MCM4: variants seen among roughly 807,000 people sequenced by gnomAD.
The protein encoded by MCM4 is minichromosome maintenance complex component 4, also known as DNA replication licensing factor MCM4.
In MCM4, 60 loss-of-function variants were observed where a neutral mutation model predicts 88.7. The observed-to-expected ratio is 0.68, with a 90% CI of 0.55 to 0.84. The LOEUF is 0.84. Among genes scored for constraint, MCM4 ranks in the 40% least tolerant of loss-of-function variants. The probability of loss-of-function intolerance (pLI) is 0.00; values close to 1 mark genes in which losing one functional copy is unlikely to be tolerated. For synonymous variants in MCM4, 465 were observed against 410.5 expected (o/e 1.13, Z -1.61); for missense variants, 1,149 against 1,105.5 (o/e 1.04, Z -0.56).
rs1168235423 is a variant in MCM4, at chr8:47,966,272, C to T, written c.918C>T (p.Cys306=). The T allele has an allele frequency of 1.9e-6, 3 of 1,614,116 alleles. No individual in the cohort carries two copies. In the Admixed American group the frequency reaches 5.0e-5, roughly 27 times the overall value. Residue 306 remains cysteine (C), a synonymous_variant, in exon 9 of 17, where the codon TGC becomes TGT. Transcript: ENST00000649973. ...IPEMQEAFFQ[C]QVCAHTTRVE... ...AGATGCAGGAGGCCTTCTTCCAGTGCCAAGTGTGTGCCCACACGACCCGGG... is the reference window on the plus strand; with the variant it reads ...AGATGCAGGAGGCCTTCTTCCAGTGTCAAGTGTGTGCCCACACGACCCGGG...
At chr8:47,976,561 A>T (rs2091002204) in intron 16 of MCM4, 125 bp from the exon 17 acceptor site, 5 of 621,194 alleles carry the variant, frequency 8.0e-6, no homozygotes, top group Non-Finnish European at 1.4e-5. Flanking sequence ...AGCATAAGGC[A>T]TGTGTACAGC....
intron 10 of MCM4, among the ~76,000 whole-genome samples, chr8:47,968,661 A>AAG (rs1158039830): frequency 1.6e-4 from 25 of 152,202 alleles, no homozygotes. Flanking sequence ...TGTGTATTCT[A>AAG]AGAATGTGTG....
In MCM4 at chr8:47,970,658, C is replaced by A. The variant is rs754651371; in HGVS notation, c.1582C>A (p.Pro528Thr). 1 of 1,614,138 alleles carries A rather than the reference C, an allele frequency of 6.2e-7. No individual in the cohort carries two copies. The highest frequency in any genetic ancestry group is 1.7e-5 in the Admixed American group (1 of 60,008). The change falls in exon 12 of 17, where the codon CCC (proline) becomes ACC (threonine). Residue 528 changes from proline to threonine, a missense_variant. This residue lies in a region of MCM4 where 906 missense variants were observed against 843.0 expected (regional missense o/e 1.07). Coordinates refer to ENST00000649973, the MANE Select transcript of MCM4 (RefSeq NM_182746.3). ...QLLQYVYNLV[P>T]RGQYTSGKGS... ...GCTGCAGTACGTGTACAACCTCGTC[C>A]CCAGGGGCCAGTACACGTCTGGGAA...
At chr8:47,967,544 C>G in intron 10 of MCM4, 59 bp downstream of exon 10, 1 of 1,605,328 alleles carries the variant, frequency 6.2e-7, no homozygotes, top group Non-Finnish European at 8.5e-7. Flanking sequence ...CAATGCTGTG[C>G]TTTAGTGAGT....
intron 2 of MCM4, 37 bp from the exon 3 acceptor site, chr8:47,961,479 A>G: frequency 6.2e-7 from 1 of 1,612,954 alleles, no homozygotes; most frequent in African/African-American, 1.3e-5. Flanking sequence ...CGGCCCTGAA[A>G]GTTAATGGCT....
At chr8:47,974,178 T>C (rs1228440159) in intron 14 of MCM4, 1 of 153,078 alleles carries the variant, frequency 6.5e-6, no homozygotes, top group East Asian at 1.9e-4. Context: ...ACTGAGCTCC[T>C]AAAAATTCTA....
intron 10 of MCM4, 26 bp from the exon 11 acceptor site, chr8:47,969,772 A>G: frequency 6.2e-7 from 1 of 1,611,940 alleles, no homozygotes; most frequent in Non-Finnish European, 8.5e-7. Flanking sequence ...GGAAGGTAAA[A>G]GTGCATCTCC....
intron 6 of MCM4, 31 bp from the exon 7 acceptor site, chr8:47,962,914 A>G (rs1393158380): frequency 1.9e-6 from 3 of 1,569,010 alleles, no homozygotes; most frequent in Non-Finnish European, 2.6e-6. Context: ...TTAAATTAGC[A>G]AAATATAACT....
At chr8:47,973,754 C>G (rs1380816819) in intron 14 of MCM4, 1 of 152,356 alleles carries the variant, frequency 6.6e-6, no homozygotes, top group Non-Finnish European at 1.5e-5. Flanking sequence ...TCCCAAAGTG[C>G]TGGGATTACA....
At chr8:47,976,304 A>G (rs534033965) in intron 16 of MCM4, among the ~76,000 whole-genome samples, 2 of 152,188 alleles carry the variant, frequency 1.3e-5, no homozygotes, top group East Asian at 1.9e-4. Flanking sequence ...AAAAAAAAAA[A>G]AAAGAAAAAA....
rs147886592 is a variant in MCM4, at chr8:47,961,593, C to T, written c.148C>T (p.Pro50Ser). 3.1e-6 allele frequency: 5 copies of T among 1,614,062 alleles called. No homozygotes were observed. The African/African-American group carries it at 5.3e-5, about 17-fold the overall frequency. The change falls in exon 3 of 17, where the codon CCG (proline) becomes TCG (serine). Residue 50 changes from proline to serine, a missense_variant. This residue lies in a region of MCM4 where 906 missense variants were observed against 843.0 expected (regional missense o/e 1.07). Transcript: ENST00000649973. ...TTCCACCTCCACGGGGGAGTTGCAG[C>T]CGATGCCAACCTCGCCTGGAGTGGA... ...EDSTSTGELQ[P>S]MPTSPGVDLQ... is the part of the protein sequence containing the mutation.
chr8:47,975,180 T>TG, intron 15 of MCM4: 2 of 483,022 alleles, frequency 4.1e-6, no homozygotes, highest in African/African-American at 2.0e-5. Context: ...TAGTTTTTTT[T>TG]TGTTTTTTTT....
At chr8:47,961,271 C>G (rs1043092170) in intron 2 of MCM4, 57 bp downstream of exon 2, 4 of 1,432,228 alleles carry the variant, frequency 2.8e-6, no homozygotes, top group Admixed American at 3.0e-5. Flanking sequence ...TCTGCCCTCT[C>G]GCCGCAGCTG....
intron 13 of MCM4, among the ~76,000 whole-genome samples, chr8:47,972,396 G>T (rs570552779): frequency 6.6e-6 from 1 of 152,090 alleles, no homozygotes; most frequent in Non-Finnish European, 1.5e-5. Context: ...GGATGGACAC[G>T]AAGGCCCTTT....
chr8:47,962,510 G>A, intron 5 of MCM4, 104 bp downstream of exon 5: 2 of 1,161,850 alleles, frequency 1.7e-6, no homozygotes, highest in African/African-American at 1.5e-5. Context: ...AGGGCCACCT[G>A]TGGTGGCTCA....
intron 14 of MCM4, 28 bp from the exon 15 acceptor site, chr8:47,974,706 T>G (rs1287254744): frequency 6.3e-7 from 1 of 1,585,092 alleles, no homozygotes; most frequent in South Asian, 1.1e-5. Flanking sequence ...GAGGTTTGCT[T>G]TTGCTTTTGT....
rs760896257 is a variant in MCM4, at chr8:47,966,167, C to CCTCTCTT, written c.833-16_833-10dup. On this transcript the variant is annotated intron_variant, in intron 8 of 16. Transcript: ENST00000649973. ...CCACACCTCAGGTCAGGTGTGCTGA[C>CCTCTCTT]CTCTCTTCTCCCCTCACAGACATTG... 1.1e-5 allele frequency: 18 copies of CCTCTCTT among 1,604,556 alleles called. No individual in the cohort carries two copies. Among genetic ancestry groups the CCTCTCTT allele is most frequent in the Non-Finnish European group, 1.5e-5 (18 of 1,171,870 alleles).
Position 47,972,885 on chromosome 8 carries a change from CCTCAGGACGAAGCCTATGACAGG to C in MCM4, c.1959_1981del (p.Gln654SerfsTer43). 1 of 1,614,116 alleles carries C rather than the reference CCTCAGGACGAAGCCTATGACAGG, an allele frequency of 6.2e-7. No homozygotes were observed. The highest frequency in any genetic ancestry group is 8.5e-7 in the Non-Finnish European group (1 of 1,180,000). On this transcript the variant is annotated frameshift_variant, in exon 14 of 17. Coordinates refer to ENST00000649973, the MANE Select transcript of MCM4 (RefSeq NM_182746.3). LOFTEE classifies it high-confidence loss of function. ...TGATTTGATCTTCCTCTTGCTGGAC[CCTCAGGACGAAGCCTATGACAGG>C]CGTCTGGCTCACCACCTGGTCGCAC...
chr8:47,967,581 C>G (rs2090912061), intron 10 of MCM4, 96 bp downstream of exon 10: 1 of 1,489,560 alleles, frequency 6.7e-7, no homozygotes, highest in Non-Finnish European at 9.3e-7. Context: ...AGGTCCAGTT[C>G]TACCTCCAGT....
Sources: allele counts gnomAD v4.1 joint callset (sites outside exome capture counted in the v4.1 genomes callset), GRCh38; gene constraint gnomAD v4.1.1; regional missense constraint gnomAD v4.1.1; transcripts MANE v1.5; gene names NCBI Gene and HGNC (gene_info 2026-07-23, HGNC 2026-07-21).